Variants in COL6A1 observed in about 807,000 individuals in gnomAD.
COL6A1 encodes collagen type VI alpha 1 chain.
Under a neutral mutation model 145.6 loss-of-function variants are expected in COL6A1, and 80 were observed. The observed-to-expected ratio is 0.55, with a 90% confidence interval of 0.46 to 0.66. COL6A1 has a LOEUF of 0.66. COL6A1 is among the 30% of genes least tolerant of loss of function. The pLI is 0.00. For synonymous variants in COL6A1, 638 were observed against 622.8 expected (o/e 1.02, Z -0.36); for missense variants, 1,364 against 1,473.8 (o/e 0.93, Z 1.22).
chr21:45,986,509 T>C lies in COL6A1; in HGVS notation c.429-17T>C. 2.6e-6 allele frequency: 4 copies of C among 1,553,506 alleles called. No homozygotes were observed. The South Asian group carries it at 4.7e-5, about 18-fold the overall frequency. On this transcript the variant is annotated splice_polypyrimidine_tract_variant and intron_variant, in intron 3 of 34. Coordinates refer to ENST00000361866, the MANE Select transcript of COL6A1 (RefSeq NM_001848.3). ...CCCACCTAGTCTCGAGGTCTCACGC[T>C]GCCCTCTCCTGTCCAGGGGCTCCCA...
chr21:46,003,015 G>C, intron 33 of COL6A1, 105 bp from the exon 34 acceptor site: 1 of 1,546,200 alleles, frequency 6.5e-7, no homozygotes, highest in Non-Finnish European at 8.9e-7. Flanking sequence ...GTGACTTCCG[G>C]GGGCACGGCC....
chr21:45,985,601 G>A (rs1236607464), intron 3 of COL6A1, among the ~76,000 whole-genome samples: 2 of 152,252 alleles, frequency 1.3e-5, no homozygotes, highest in African/African-American at 2.4e-5. Flanking sequence ...CTGTGGGGAC[G>A]CAGGGGCCGC....
Position 45,987,592 on chromosome 21 carries a change from GT to G in COL6A1, c.760-17del. The stretch of plus-strand genomic sequence containing the variant: ...CCTGAGTCTGGGGTCCTGGCTGACC[GT>G]CCCCTCTGCCTTGCAGCCTGCAAGA... On this transcript the variant is annotated splice_polypyrimidine_tract_variant and intron_variant, in intron 7 of 34. Transcript: ENST00000361866. 6.2e-7 allele frequency: 1 copy of G among 1,612,414 alleles called. No homozygotes were observed. The highest frequency in any genetic ancestry group is 8.5e-7 in the Non-Finnish European group (1 of 1,179,936).
At position 45,984,531 on chromosome 21, in the gene COL6A1, G is replaced by A. The variant is rs866772411; in HGVS notation, c.428+62G>A. ...CACGCGTGGTACCCAGCCTGGGCTG[G>A]GGTTGGCCTGGGGTCCCTGTGCGGC... is the stretch of plus-strand genomic sequence containing the variant. On this transcript the variant is annotated intron_variant, in intron 3 of 34. Coordinates refer to ENST00000361866, the MANE Select transcript of COL6A1 (RefSeq NM_001848.3). The A allele has an allele frequency of 7.1e-6, 11 of 1,543,584 alleles. No homozygotes were observed. The African/African-American group carries it at 1.4e-4, about 19-fold the overall frequency.
Position 45,992,788 on chromosome 21 carries a change from C to G in COL6A1, c.1313C>G (p.Thr438Arg), listed in dbSNP as rs376807461. 6.2e-7 allele frequency: 1 copy of G among 1,601,608 alleles called. No homozygotes were observed. The highest frequency in any genetic ancestry group is 1.7e-4 in the Middle Eastern group (1 of 6,020). ...AGAGGACCACGGGGGACCCCAGGCACGCGGGGACCAAGAGGAGACCCTGTG... is the reference window on the plus strand; with the variant it reads ...AGAGGACCACGGGGGACCCCAGGCAGGCGGGGACCAAGAGGAGACCCTGTG... ...GERGPRGTPG[T>R]RGPRGDPGEA... The change falls in exon 19 of 35, where the codon ACG becomes AGG. Residue 438 changes from threonine (T) to arginine (R), a missense_variant. This residue lies in a region of COL6A1 where 938 missense variants were observed against 1,003.8 expected (regional missense o/e 0.93). Transcript: ENST00000361866.
At chr21:46,000,425 G>T in intron 28 of COL6A1, 58 bp downstream of exon 28, 2 of 1,584,420 alleles carry the variant, frequency 1.3e-6, no homozygotes, top group South Asian at 1.1e-5. Context: ...AGCCTGGCCT[G>T]TTCCACTCCT....
At chr21:45,998,013 T>A in intron 22 of COL6A1, 108 bp from the exon 23 acceptor site, 1 of 1,418,352 alleles carries the variant, frequency 7.1e-7, no homozygotes. Context: ...AGCCGGCTTC[T>A]GGGCTGACGG....
intron 20 of COL6A1, among the ~76,000 whole-genome samples, chr21:45,996,682 CT>C (rs1169454010): frequency 6.6e-6 from 1 of 152,216 alleles, no homozygotes; most frequent in Non-Finnish European, 1.5e-5. Flanking sequence ...CGGCTCCCTT[CT>C]TGGCTCAGCT....
In COL6A1 at chr21:46,002,205, CT is replaced by C; in HGVS notation, c.2067-10del. The C allele has an allele frequency of 6.3e-7, 1 of 1,595,300 alleles. No individual in the cohort carries two copies. The highest frequency in any genetic ancestry group is 8.5e-7 in the Non-Finnish European group (1 of 1,174,530). On this transcript the variant is annotated splice_polypyrimidine_tract_variant and intron_variant, in intron 31 of 34. Coordinates refer to ENST00000361866, the MANE Select transcript of COL6A1 (RefSeq NM_001848.3). ...CTGGCCCCAACCGGCCCTTCCTGCC[CT>C]TTGCTATGCAGAGCCATCAAGAGCC...
At position 46,002,340 on chromosome 21, in the gene COL6A1, G is replaced by C; in HGVS notation, c.2189G>C (p.Gly730Ala). 6.3e-7 allele frequency: 1 copy of C among 1,591,652 alleles called. No homozygotes were observed. Among genetic ancestry groups the C allele is most frequent in the Non-Finnish European group, 8.5e-7 (1 of 1,170,084 alleles). Residue 730 changes from glycine (G) to alanine (A), a missense_variant, in exon 32 of 35, where the codon GGG becomes GCG. Around this residue, in one of 3 missense-constraint regions of COL6A1, gnomAD observed 938 missense variants for 1,003.8 expected, o/e 0.93. Transcript: ENST00000361866. ...CGCATCGCCCTGGTCATCACTGACG[G>C]GCGCTCAGACACTCAGAGGGACACC... ...NNRIALVITD[G>A]RSDTQRDTTP...
chr21:45,982,580 G>T (rs2077714178), intron 1 of COL6A1, 54 bp from the exon 2 acceptor site: 1 of 1,611,028 alleles, frequency 6.2e-7, no homozygotes, highest in Admixed American at 1.7e-5. Flanking sequence ...GCCCAGCAGA[G>T]ACTCGGGGAA....
chr21:46,003,425 G>A lies in COL6A1; in HGVS notation c.2499G>A (p.Leu833=). 3.7e-6 allele frequency: 6 copies of A among 1,602,512 alleles called. No homozygotes were observed. Among genetic ancestry groups the A allele is most frequent in the Non-Finnish European group, 5.1e-6 (6 of 1,179,780 alleles). Residue 833 remains leucine (L), a synonymous_variant, in exon 35 of 35, where the codon CTG becomes CTA. Transcript: ENST00000361866. ...CCTCCCCGGCTGACATCACCATCCT[G>A]CTGGACGGCTCCGCCAGCGTGGGCA... The part of the protein sequence containing the change: ...TFSSPADITI[L]LDGSASVGSH...
chr21:46,003,600 C>T lies in COL6A1; in HGVS notation c.2674C>T (p.Gln892Ter). ...GQQRPERASL[Q>*]FLQNYTALAS... ...GCAGCGCCCAGAGCGGGCGTCGCTGCAGTTCCTGCAGAACTACACGGCCCT... is the reference window on the plus strand; with the variant it reads ...GCAGCGCCCAGAGCGGGCGTCGCTGTAGTTCCTGCAGAACTACACGGCCCT... Residue 892 changes from glutamine to a stop codon, truncating the protein, a stop_gained, in exon 35 of 35, where the codon CAG becomes TAG. Transcript: ENST00000361866. LOFTEE classifies it high-confidence loss of function. The T allele has an allele frequency of 6.2e-7, 1 of 1,612,852 alleles. No individual in the cohort carries two copies. Among genetic ancestry groups the T allele is most frequent in the Non-Finnish European group, 8.5e-7 (1 of 1,179,834 alleles).
chr21:45,986,236 G>A (rs1425501643), intron 3 of COL6A1, among the ~76,000 whole-genome samples: 1 of 152,200 alleles, frequency 6.6e-6, no homozygotes, highest in Non-Finnish European at 1.5e-5. Flanking sequence ...CCACTCACTG[G>A]TCAGGGGCTT....
chr21:45,994,391 G>A lies in COL6A1; in HGVS notation c.1398+162G>A, dbSNP rs2077793618. On this transcript the variant is annotated intron_variant, in intron 20 of 34. Coordinates refer to ENST00000361866, the MANE Select transcript of COL6A1 (RefSeq NM_001848.3). The surrounding 1 kb of genome is among the most constrained non-coding windows in gnomAD (Gnocchi z 6.8). ...CCTGCGTGGGAGCCGGCTGCAGGGG[G>A]TGAGGCGCGGCCTGGGCCGGGCTGG... is the stretch of plus-strand genomic sequence containing the variant. Among the ~76,000 whole-genome samples the A allele has an allele frequency of 6.6e-6, 1 of 152,176 alleles. No individual in the cohort carries two copies. The highest frequency in any genetic ancestry group is 2.4e-5 in the African/African-American group (1 of 41,436).
At position 45,999,964 on chromosome 21, in the gene COL6A1, A is replaced by AT. The variant is rs1569518919; in HGVS notation, c.1776+272_1776+273insT. ...GGGGACGTGTGAGGATCATGGGAGG[A>AT]CGTGAGGATCATGGAGGGGGACATG... On this transcript the variant is annotated intron_variant, in intron 27 of 34. Coordinates refer to ENST00000361866, the MANE Select transcript of COL6A1 (RefSeq NM_001848.3). 9.9e-3 allele frequency among the ~76,000 whole-genome samples: 15 copies of AT among 1,518 alleles called. 3 individuals are homozygous for AT. Among genetic ancestry groups the AT allele is most frequent in the Non-Finnish European group, 0.017 (13 of 756 alleles). The allele number at this position is 1,518 out of a possible 152,430, so 1.0% of individuals were successfully genotyped here.
Position 46,003,159 on chromosome 21 carries a change from T to A in COL6A1, c.2464+10T>A, listed in dbSNP as rs2077858850. ...GATTACACCTGCCCCAGTGAGTACC[T>A]CGGCGGCCGGGACACGTGGGGAGGA... is the stretch of plus-strand genomic sequence containing the variant. On this transcript the variant is annotated intron_variant, in intron 34 of 34. Transcript: ENST00000361866. 6.2e-7 allele frequency: 1 copy of A among 1,613,888 alleles called. No individual in the cohort carries two copies. Among genetic ancestry groups the A allele is most frequent in the South Asian group, 1.1e-5 (1 of 91,082 alleles).
At position 46,003,921 on chromosome 21, in the gene COL6A1, G is replaced by A. The variant is rs757073073; in HGVS notation, c.2995G>A (p.Gly999Ser). The change falls in exon 35 of 35, where the codon GGC (glycine) becomes AGC (serine). Residue 999 changes from glycine to serine, a missense_variant. Gly to Ser is a moderately conservative substitution (Grantham distance 56). This residue lies in a region of COL6A1 where 938 missense variants were observed against 1,003.8 expected (regional missense o/e 0.93). Transcript: ENST00000361866. ...GKTAEYDVAY[G>S]ESHLFRVPSY... ...GACGGCCGAGTACGACGTGGCCTAC[G>A]GCGAGAGCCACCTGTTCCGTGTCCC... The A allele has an allele frequency of 1.8e-5, 29 of 1,608,952 alleles. No individual in the cohort carries two copies. The highest frequency in any genetic ancestry group is 2.3e-5 in the Non-Finnish European group (27 of 1,177,130).
rs2077780740 is a variant in COL6A1, at chr21:45,992,197, A to G, written c.1216A>G (p.Lys406Glu). The change falls in exon 17 of 35, where the codon AAA (lysine) becomes GAA (glutamate). Residue 406 changes from lysine (K) to glutamate (E), a missense_variant. This residue lies in a region of COL6A1 where 938 missense variants were observed against 1,003.8 expected (regional missense o/e 0.93). Coordinates refer to ENST00000361866, the MANE Select transcript of COL6A1 (RefSeq NM_001848.3). The part of the protein sequence containing the change: ...QPGEPGPPGE[K>E]GEAGDEGNPG... Reference sequence around the variant, plus strand: ...GGGAGAGCCTGGGCCCCCCGGAGAGAAAGGAGAGGCGGGCGACGAGGTGAG... The same window carrying G: ...GGGAGAGCCTGGGCCCCCCGGAGAGGAAGGAGAGGCGGGCGACGAGGTGAG... The G allele has an allele frequency of 1.2e-6, 2 of 1,613,752 alleles. No individual in the cohort carries two copies. The highest frequency in any genetic ancestry group is 1.7e-6 in the Non-Finnish European group (2 of 1,179,986).
Sources: allele counts gnomAD v4.1 joint callset (sites outside exome capture counted in the v4.1 genomes callset), GRCh38; gene constraint gnomAD v4.1.1; regional missense constraint gnomAD v4.1.1; non-coding constraint Gnocchi (gnomAD v3.1); transcripts MANE v1.5; gene names NCBI Gene and HGNC (gene_info 2026-07-23, HGNC 2026-07-21).